KIF5C: variants seen among roughly 807,000 people sequenced by gnomAD.
KIF5C encodes kinesin heavy chain isoform 5C.
In KIF5C, 18 loss-of-function variants were observed where a neutral mutation model predicts 125.2. That is an observed-to-expected ratio of 0.14 (90% confidence interval 0.10 to 0.21). The LOEUF (loss-of-function observed/expected upper bound fraction) is 0.21. KIF5C is among the 10% of genes least tolerant of loss of function. The probability of loss-of-function intolerance (pLI) is 1.00; values close to 1 mark genes in which losing one functional copy is unlikely to be tolerated. For missense variants in KIF5C, 780 were observed against 1,183.8 expected (o/e 0.66, Z 5.01); for synonymous variants, 405 against 434.0 (o/e 0.93, Z 0.83).
rs577110052 is a variant in KIF5C at position 148,984,956 on chromosome 2, A to G, written c.1716+1190A>G. Among the ~76,000 whole-genome samples, 5 of 151,910 alleles carry G rather than the reference A, an allele frequency of 3.3e-5. No homozygotes were observed. The South Asian group carries it at 1.0e-3, about 32-fold the overall frequency. ...CAGGCATGTGCCACCAGGCCCTGCT[A>G]ATTTTTTTATTATTATTATTTTTTT... On this transcript the variant is annotated intron_variant, in intron 15 of 25. Coordinates refer to ENST00000435030, the MANE Select transcript of KIF5C (RefSeq NM_004522.3).
intron 1 of KIF5C, among the ~76,000 whole-genome samples, chr2:148,915,939 G>A (rs1681530145): frequency 6.6e-6 from 1 of 152,208 alleles, no homozygotes; most frequent in Non-Finnish European, 1.5e-5. Flanking sequence ...GGGAGCTAAA[G>A]TATTGACCCC....
At chr2:148,913,965 C>T (rs1220096554) in intron 1 of KIF5C, among the ~76,000 whole-genome samples, 4 of 152,168 alleles carry the variant, frequency 2.6e-5, no homozygotes, top group Non-Finnish European at 4.4e-5. Flanking sequence ...GCAGAGAACC[C>T]GGAGCTCTCT....
intron 4 of KIF5C, among the ~76,000 whole-genome samples, chr2:148,940,113 G>A (rs1252174478): frequency 6.6e-6 from 1 of 152,142 alleles, no homozygotes; most frequent in African/African-American, 2.4e-5. Context: ...TAATAGACAA[G>A]TCTTAATGAA....
rs1162931920 is a variant in KIF5C, at chr2:148,875,837, C to G, written c.126+94C>G. The G allele has an allele frequency of 1.0e-5, 15 of 1,483,810 alleles. No individual in the cohort carries two copies. The East Asian group carries it at 3.8e-4, about 38-fold the overall frequency. 91.9% of individuals were successfully genotyped at this position (1,483,810 alleles called of 1,614,324 possible). A position where few individuals can be genotyped will look rare whatever the true frequency, so the allele number is the denominator to read the frequency against. On this transcript the variant is annotated intron_variant, in intron 1 of 25. Transcript: ENST00000435030. ...GCAGCGGAGGTGTTTAGGCCGCCCC[C>G]TCGGACATTCCCGCGGGGCTGGCCT... is the stretch of plus-strand genomic sequence containing the variant.
Position 148,934,358 on chromosome 2 carries a change from A to G in KIF5C, c.292-2926A>G, listed in dbSNP as rs151025388. Among the ~76,000 whole-genome samples the G allele has an allele frequency of 2.0e-5, 3 of 151,694 alleles. No homozygotes were observed. The East Asian group carries it at 5.8e-4, about 29-fold the overall frequency. ...ATCACACACATCCATATAGACACGC[A>G]TACCACACACTATATACCACACCCC... On this transcript the variant is annotated intron_variant, in intron 3 of 25. Transcript: ENST00000435030.
intron 13 of KIF5C, among the ~76,000 whole-genome samples, chr2:148,979,267 C>A (rs537912298): frequency 6.6e-6 from 1 of 152,256 alleles, no homozygotes; most frequent in South Asian, 2.1e-4. Flanking sequence ...GTTGGGTGAT[C>A]AAGCAAGGAT....
chr2:148,897,508 T>G (rs373844443), intron 1 of KIF5C, among the ~76,000 whole-genome samples: 10 of 152,322 alleles, frequency 6.6e-5, no homozygotes, highest in African/African-American at 2.4e-4. Context: ...CGATATTTAT[T>G]AATGCAATAA....
chr2:148,894,209 T>C (rs1405088857), intron 1 of KIF5C, among the ~76,000 whole-genome samples: 1 of 152,256 alleles, frequency 6.6e-6, no homozygotes, highest in African/African-American at 2.4e-5. Context: ...CAAACTCCAT[T>C]ATCTTCTATC....
chr2:148,955,350 C>T (rs1682767091), intron 10 of KIF5C, among the ~76,000 whole-genome samples: 1 of 152,152 alleles, frequency 6.6e-6, no homozygotes, highest in Non-Finnish European at 1.5e-5. Flanking sequence ...TTACAATCAG[C>T]TGACTTTAAG....
intron 21 of KIF5C, among the ~76,000 whole-genome samples, chr2:149,003,411 A>C (rs1681915169): frequency 6.6e-6 from 1 of 152,202 alleles, no homozygotes; most frequent in South Asian, 2.1e-4. Context: ...CGGGCAGCTG[A>C]CTGGCTGGAA....
At chr2:149,003,962 G>A (rs1574830707) in intron 21 of KIF5C, among the ~76,000 whole-genome samples, 1 of 152,338 alleles carries the variant, frequency 6.6e-6, no homozygotes, top group Non-Finnish European at 1.5e-5. Flanking sequence ...GGGCGCAGGT[G>A]TTAAGGAGCA....
chr2:148,883,392 T>C (rs1681422673), intron 1 of KIF5C: 1 of 152,068 alleles, frequency 6.6e-6, no homozygotes, highest in African/African-American at 2.4e-5. Context: ...TCCCAGCTAC[T>C]TGGGAGGCTG....
intron 21 of KIF5C, among the ~76,000 whole-genome samples, chr2:149,004,421 C>G (rs1681944506): frequency 6.6e-6 from 1 of 152,120 alleles, no homozygotes; most frequent in Non-Finnish European, 1.5e-5. Flanking sequence ...GATCATATTT[C>G]CTATGGTAAA....
rs569642963 is a variant in KIF5C at position 148,924,436 on chromosome 2, C to T, written c.217+2209C>T. On this transcript the variant is annotated intron_variant, in intron 2 of 25. Coordinates refer to ENST00000435030, the MANE Select transcript of KIF5C (RefSeq NM_004522.3). This position sits in a 1 kb window ranked among gnomAD's most constrained non-coding sequence, Gnocchi z 4.0. ...AGCATCTGGGAGGCTCCATTTAACT[C>T]GATGGCTTTATTCTCTCTCTGGTTT... is the stretch of plus-strand genomic sequence containing the variant. Among the ~76,000 whole-genome samples, 7 of 152,124 alleles carry T rather than the reference C, an allele frequency of 4.6e-5. No individual in the cohort carries two copies. The highest frequency in any genetic ancestry group is 8.8e-5 in the Non-Finnish European group (6 of 68,020).
rs115022818 is a variant in KIF5C, at chr2:149,020,684, C to T, written c.*8-2394C>T. 6.9e-3 allele frequency among the ~76,000 whole-genome samples: 1,050 copies of T among 152,268 alleles called. 11 individuals are homozygous for T. The highest frequency in any genetic ancestry group is 0.024 in the African/African-American group (999 of 41,550). On this transcript the variant is annotated intron_variant, in intron 25 of 25. Coordinates refer to ENST00000435030, the MANE Select transcript of KIF5C (RefSeq NM_004522.3). ...AGGCACGCAGAACGGCCATCTCATC[C>T]GACCAAGGGGATCTTATCTGACCAG...
intron 25 of KIF5C, among the ~76,000 whole-genome samples, chr2:149,013,770 G>A (rs886426005): frequency 6.6e-6 from 1 of 152,256 alleles, no homozygotes; most frequent in African/African-American, 2.4e-5. Context: ...ACAAAGGTCT[G>A]CCAGTCCCAT....
At chr2:148,968,537 C>G (rs1479141116) in intron 11 of KIF5C, among the ~76,000 whole-genome samples, 1 of 152,092 alleles carries the variant, frequency 6.6e-6, no homozygotes, top group Non-Finnish European at 1.5e-5. Context: ...CCTCTGCTTG[C>G]TTTTGAGAAC....
intron 10 of KIF5C, among the ~76,000 whole-genome samples, chr2:148,958,709 T>C (rs112738887): frequency 0.16 from 23,727 of 152,100 alleles, 2,837 homozygotes; most frequent in African/African-American, 0.33. Flanking sequence ...TGGCCAGGCA[T>C]GGTGGCTCAT....
At chr2:148,992,772 A>T (rs1238406898) in intron 16 of KIF5C, among the ~76,000 whole-genome samples, 1 of 152,210 alleles carries the variant, frequency 6.6e-6, no homozygotes, top group Non-Finnish European at 1.5e-5. Flanking sequence ...TTAGAACTTT[A>T]TTTTTTTATG....
Sources: allele counts gnomAD v4.1 joint callset (sites outside exome capture counted in the v4.1 genomes callset), GRCh38; gene constraint gnomAD v4.1.1; non-coding constraint Gnocchi (gnomAD v3.1); transcripts MANE v1.5; gene names NCBI Gene and HGNC (gene_info 2026-07-23, HGNC 2026-07-21).